Variants in RBPJ observed in about 807,000 individuals in gnomAD.
The protein encoded by RBPJ is recombination signal binding protein for immunoglobulin kappa J region.
RBPJ carries 9 observed loss-of-function variants against 67.8 expected under a neutral mutation model. The ratio of observed to expected loss-of-function variants is 0.13; its 90% CI spans 0.08 to 0.23. RBPJ has a LOEUF of 0.23. Among genes scored for constraint, RBPJ ranks in the 10% least tolerant of loss-of-function variants. The pLI is 1.00. For synonymous variants in RBPJ, 198 were observed against 203.3 expected, an observed-to-expected ratio of 0.97 and a Z score of 0.22; for missense variants, 305 against 595.6, an observed-to-expected ratio of 0.51 and a Z score of 5.08.
the RBPJ span, among the ~76,000 whole-genome samples, chr4:26,154,820 G>A: frequency 6.6e-6 from 1 of 152,190 alleles, no homozygotes; most frequent in East Asian, 1.9e-4. Context: ...CAAAAAAGGG[G>A]AAGAGGTGCC....
chr4:26,277,247 G>A (rs937983889), intron 1 of RBPJ, among the ~76,000 whole-genome samples: 4 of 146,936 alleles, frequency 2.7e-5, no homozygotes, highest in Non-Finnish European at 5.9e-5. Context: ...ATTTCAGCCT[G>A]GGCGACAGAG....
At chr4:26,143,638 A>T in the RBPJ span, among the ~76,000 whole-genome samples, 1 of 152,216 alleles carries the variant, frequency 6.6e-6, no homozygotes, top group East Asian at 1.9e-4. Context: ...TTAAGCTTTC[A>T]CATTAAGGCT....
At chr4:26,339,556 T>C (rs1006768923) in intron 1 of RBPJ, among the ~76,000 whole-genome samples, 1 of 152,032 alleles carries the variant, frequency 6.6e-6, no homozygotes, top group Non-Finnish European at 1.5e-5. Flanking sequence ...ATCACTTGAA[T>C]CTGGGAGGCG....
intron 1 of RBPJ, among the ~76,000 whole-genome samples, chr4:26,219,431 T>C (rs543148311): frequency 6.6e-6 from 1 of 152,326 alleles, no homozygotes; most frequent in South Asian, 2.1e-4. Flanking sequence ...AGGAATGGGA[T>C]GGTTAAGCCT....
At chr4:26,135,210 C>G in the RBPJ span, among the ~76,000 whole-genome samples, 1 of 152,138 alleles carries the variant, frequency 6.6e-6, no homozygotes, top group Admixed American at 6.5e-5. Context: ...CTCTCCATTA[C>G]TAAAGAAAAC....
At chr4:26,272,258 C>A (rs1330379280) in intron 1 of RBPJ, among the ~76,000 whole-genome samples, 1 of 152,132 alleles carries the variant, frequency 6.6e-6, no homozygotes, top group Non-Finnish European at 1.5e-5. Flanking sequence ...ATGAAGACGT[C>A]ATTTTTATTT....
intron 1 of RBPJ, among the ~76,000 whole-genome samples, chr4:26,369,057 C>T (rs1256991916): frequency 1.3e-5 from 2 of 152,144 alleles, no homozygotes; most frequent in African/African-American, 4.8e-5. Context: ...TCCCCTGGGA[C>T]AGTGAATAGT....
chr4:26,397,815 A>C (rs902774278), intron 2 of RBPJ, among the ~76,000 whole-genome samples: 1 of 152,104 alleles, frequency 6.6e-6, no homozygotes, highest in Non-Finnish European at 1.5e-5. Context: ...TTGTATTTTT[A>C]GTAGAGACAG....
At chr4:26,192,014 T>TTC in intron 1 of RBPJ, among the ~76,000 whole-genome samples, 1 of 151,418 alleles carries the variant, frequency 6.6e-6, no homozygotes, top group East Asian at 1.9e-4. Context: ...TTTAAAATTT[T>TTC]TTTTTTTTTT....
chr4:26,132,764 A>T, the RBPJ span, among the ~76,000 whole-genome samples: 1 of 151,948 alleles, frequency 6.6e-6, no homozygotes, highest in African/African-American at 2.4e-5. Context: ...GGTGTAACCA[A>T]CTTCTTTCTC....
intron 1 of RBPJ, among the ~76,000 whole-genome samples, chr4:26,276,718 A>G (rs1308750681): frequency 6.6e-6 from 1 of 152,236 alleles, no homozygotes; most frequent in East Asian, 1.9e-4. Context: ...TTTCTTCACC[A>G]TGACATTAGA....
chr4:26,156,578 T>C, the RBPJ span, among the ~76,000 whole-genome samples: 1 of 151,474 alleles, frequency 6.6e-6, no homozygotes, highest in Non-Finnish European at 1.5e-5. Flanking sequence ...ACCACTCATG[T>C]CCAGCTAATT....
intron 1 of RBPJ, among the ~76,000 whole-genome samples, chr4:26,170,798 G>A (rs1716549681): frequency 6.6e-6 from 1 of 152,176 alleles, no homozygotes; most frequent in Non-Finnish European, 1.5e-5. Flanking sequence ...CAAAAAACAG[G>A]CTTGGGTTTG....
intron 1 of RBPJ, among the ~76,000 whole-genome samples, chr4:26,255,591 G>A (rs13121617): frequency 0.65 from 96,350 of 148,038 alleles, 32,215 homozygotes; most frequent in Middle Eastern, 0.84. Flanking sequence ...TCACGAGGTC[G>A]GGAGATCGAG....
intron 1 of RBPJ, among the ~76,000 whole-genome samples, chr4:26,245,757 G>T (rs1308655456): frequency 2.0e-5 from 3 of 152,026 alleles, no homozygotes; most frequent in Admixed American, 6.6e-5. Context: ...GTGACGTAGG[G>T]GTCCAACTTC....
intron 1 of RBPJ, among the ~76,000 whole-genome samples, chr4:26,207,001 G>A (rs543354523): frequency 6.6e-6 from 1 of 152,226 alleles, no homozygotes; most frequent in South Asian, 2.1e-4. Context: ...CTGCCCACCT[G>A]CAGAATTCCA....
intron 1 of RBPJ, among the ~76,000 whole-genome samples, chr4:26,279,454 T>C (rs1202928699): frequency 6.6e-6 from 1 of 150,828 alleles, no homozygotes; most frequent in Admixed American, 6.7e-5. Context: ...CTAATTTTTG[T>C]ATTTTTAGAG....
At chr4:26,109,483 T>C in the RBPJ span, among the ~76,000 whole-genome samples, 2 of 59,030 alleles carry the variant, frequency 3.4e-5, no homozygotes, top group Non-Finnish European at 6.6e-5. Flanking sequence ...TATATATATA[T>C]ATATATATAC....
At chr4:26,312,848 C>T (rs1577415266) in intron 1 of RBPJ, among the ~76,000 whole-genome samples, 1 of 152,302 alleles carries the variant, frequency 6.6e-6, no homozygotes, top group East Asian at 1.9e-4. Context: ...TCTAAACATG[C>T]TGTTTGAATG....
Sources: gnomAD v4.1 joint callset for allele counts (sites outside exome capture counted in the v4.1 genomes callset) on GRCh38, gnomAD v4.1.1 for gene constraint, MANE v1.5 for transcripts, NCBI Gene and HGNC (gene_info 2026-07-23, HGNC 2026-07-21) for gene names.